The following PPM1L variants were observed in gnomAD, a reference collection of about 807,000 sequenced individuals.
PPM1L encodes the protein protein phosphatase 1L.
In PPM1L, 13 loss-of-function variants were observed where a neutral mutation model predicts 31.4. The ratio of observed to expected loss-of-function variants is 0.41; its 90% CI spans 0.27 to 0.66. The LOEUF is 0.66. PPM1L is among the 30% of genes least tolerant of loss of function. The pLI, the probability that PPM1L is intolerant of heterozygous loss-of-function variation, is 0.29. For missense variants in PPM1L, 326 were observed against 453.7 expected (o/e 0.72, Z 2.56); for synonymous variants, 184 against 175.4 (o/e 1.05, Z -0.39).
At chr3:161,053,883 A>C (rs528595205) in intron 2 of PPM1L, among the ~76,000 whole-genome samples, 6 of 152,372 alleles carry the variant, frequency 3.9e-5, no homozygotes, top group African/African-American at 1.2e-4. Context: ...ATATTCATCC[A>C]GTGTCAAACT....
intron 1 of PPM1L, among the ~76,000 whole-genome samples, chr3:160,878,465 C>T (rs958618330): frequency 3.3e-5 from 5 of 152,184 alleles, no homozygotes; most frequent in Admixed American, 3.3e-4. Context: ...GCTGTGTCCT[C>T]ACATGGTGGA....
intron 2 of PPM1L, among the ~76,000 whole-genome samples, chr3:160,986,580 T>C (rs1431404512): frequency 1.3e-5 from 2 of 152,252 alleles, no homozygotes; most frequent in Non-Finnish European, 2.9e-5. Flanking sequence ...ATATATGCTA[T>C]AGTCTGACAT....
intron 2 of PPM1L, among the ~76,000 whole-genome samples, chr3:161,056,564 T>C (rs754539135): frequency 3.3e-5 from 5 of 152,144 alleles, no homozygotes; most frequent in Non-Finnish European, 7.4e-5. Flanking sequence ...ATCACCAAGA[T>C]AGCCCTGTTA....
rs1719852300 is a variant in PPM1L at position 161,069,743 on chromosome 3, A to C, written c.*586A>C. 6.5e-6 allele frequency: 1 copy of C among 153,438 alleles called. No homozygotes were observed. The highest frequency in any genetic ancestry group is 1.5e-5 in the Non-Finnish European group (1 of 68,936). 9.5% of individuals were successfully genotyped at this position (153,438 alleles called of 1,614,324 possible). A position where few individuals can be genotyped will look rare whatever the true frequency, so the allele number is the denominator to read the frequency against. ...TTTGGCTGCTCTTGGGGACTGCGAG[A>C]AGCAGAGAGAATGAGAGACCAGTGG... On this transcript the variant is annotated 3_prime_UTR_variant, in exon 4 of 4. Coordinates refer to ENST00000498165, the MANE Select transcript of PPM1L (RefSeq NM_139245.4).
intron 1 of PPM1L, among the ~76,000 whole-genome samples, chr3:160,767,776 A>C (rs1715143206): frequency 6.6e-6 from 1 of 152,228 alleles, no homozygotes; most frequent in African/African-American, 2.4e-5. Context: ...CAAAGTTTTT[A>C]ATCTAAAATA....
intron 1 of PPM1L, among the ~76,000 whole-genome samples, chr3:160,763,703 A>C (rs1422848355): frequency 6.6e-6 from 1 of 152,178 alleles, no homozygotes; most frequent in Non-Finnish European, 1.5e-5. Context: ...ATGCTTTAGT[A>C]ATCCTGTTCC....
At chr3:160,949,357 A>T (rs1251340100) in intron 1 of PPM1L, among the ~76,000 whole-genome samples, 6 of 152,188 alleles carry the variant, frequency 3.9e-5, no homozygotes, top group Non-Finnish European at 2.9e-5. Flanking sequence ...ATAATACAAA[A>T]ATATTTGAAA....
chr3:161,023,180 T>C (rs909292447), intron 2 of PPM1L, among the ~76,000 whole-genome samples: 2 of 152,084 alleles, frequency 1.3e-5, no homozygotes, highest in Non-Finnish European at 2.9e-5. Flanking sequence ...TCTTTGGCTT[T>C]TAACAGTTTG....
chr3:160,767,229 C>G (rs1014482406), intron 1 of PPM1L, among the ~76,000 whole-genome samples: 1 of 151,072 alleles, frequency 6.6e-6, no homozygotes, highest in African/African-American at 2.4e-5. Flanking sequence ...ATCTTTGTGT[C>G]TTAGTTTCTT....
intron 1 of PPM1L, among the ~76,000 whole-genome samples, chr3:160,923,082 C>T (rs1714468262): frequency 6.6e-6 from 1 of 152,148 alleles, no homozygotes; most frequent in South Asian, 2.1e-4. Flanking sequence ...GTAGCTAGAA[C>T]TTGTGGCAAT....
chr3:160,854,100 G>T (rs1414503387), intron 1 of PPM1L, among the ~76,000 whole-genome samples: 1 of 152,164 alleles, frequency 6.6e-6, no homozygotes, highest in Non-Finnish European at 1.5e-5. Context: ...CAGTTATTTA[G>T]AGAGATCTTT....
At position 160,947,770 on chromosome 3, in the gene PPM1L, T is replaced by C. The variant is rs1025883326; in HGVS notation, c.400-13966T>C. On this transcript the variant is annotated intron_variant, in intron 1 of 3. Transcript: ENST00000498165. ...CTGGTTGTCCAAGATAGAATCTTAG[T>C]TCAACTTTAAATTTACCTACAGAAC... is the stretch of plus-strand genomic sequence containing the variant. 3.3e-4 allele frequency among the ~76,000 whole-genome samples: 51 copies of C among 152,316 alleles called. 1 individual carries two copies. Among genetic ancestry groups the C allele is most frequent in the African/African-American group, 1.2e-3 (51 of 41,588 alleles).
chr3:160,863,712 T>C (rs1274772111), intron 1 of PPM1L, among the ~76,000 whole-genome samples: 1 of 152,202 alleles, frequency 6.6e-6, no homozygotes, highest in Non-Finnish European at 1.5e-5. Flanking sequence ...AAAATCAATA[T>C]TGGGTTCCTT....
At chr3:160,894,060 G>C (rs1429793731) in intron 1 of PPM1L, among the ~76,000 whole-genome samples, 1 of 152,100 alleles carries the variant, frequency 6.6e-6, no homozygotes, top group Non-Finnish European at 1.5e-5. Flanking sequence ...AGTAGGTTAG[G>C]TATATTAAAT....
intron 2 of PPM1L, among the ~76,000 whole-genome samples, chr3:160,964,937 C>T (rs931221354): frequency 6.6e-6 from 1 of 151,876 alleles, no homozygotes; most frequent in African/African-American, 2.4e-5. Context: ...TATAATAATA[C>T]AAAAGAATTA....
At chr3:160,859,938 G>A (rs1207843236) in intron 1 of PPM1L, among the ~76,000 whole-genome samples, 1 of 152,178 alleles carries the variant, frequency 6.6e-6, no homozygotes, top group Admixed American at 6.5e-5. Context: ...CCTCGATCAA[G>A]TTCTGTAAAT....
intron 1 of PPM1L, among the ~76,000 whole-genome samples, chr3:160,916,314 C>T (rs1396291792): frequency 6.6e-6 from 1 of 152,070 alleles, no homozygotes; most frequent in African/African-American, 2.4e-5. Context: ...AAAAAATGCT[C>T]ATCATCACTG....
At chr3:161,022,110 A>G (rs909632966) in intron 2 of PPM1L, 3 of 659,252 alleles carry the variant, frequency 4.6e-6, no homozygotes, top group Non-Finnish European at 8.2e-6. Context: ...TTGTGTAGCT[A>G]GATGTTTTCT....
At chr3:160,947,198 C>T (rs1374088221) in intron 1 of PPM1L, among the ~76,000 whole-genome samples, 4 of 152,090 alleles carry the variant, frequency 2.6e-5, no homozygotes, top group Admixed American at 2.0e-4. Flanking sequence ...AATTTTTCCC[C>T]ACAACAAATA....
Sources: gnomAD v4.1 joint callset for allele counts (sites outside exome capture counted in the v4.1 genomes callset) on GRCh38, gnomAD v4.1.1 for gene constraint, MANE v1.5 for transcripts, NCBI Gene and HGNC (gene_info 2026-07-23, HGNC 2026-07-21) for gene names.